Variants in ZNF469 observed in about 807,000 individuals in gnomAD.
The protein encoded by ZNF469 is zinc finger protein 469.
In ZNF469, 1 loss-of-function variant was observed where a neutral mutation model predicts 1.0. That is an observed-to-expected ratio of 1.00 (90% CI 0.35 to 4.73). The LOEUF is 4.73. Ranked by LOEUF, ZNF469 falls within the 30% of genes most tolerant of loss-of-function variation. The pLI, the probability that ZNF469 is intolerant of heterozygous loss-of-function variation, is 0.16. For missense variants in ZNF469, 6,100 were observed against 5,356.3 expected, an observed-to-expected ratio of 1.14 and a Z score of -4.33; for synonymous variants, 2,703 against 2,363.4, an observed-to-expected ratio of 1.14 and a Z score of -4.17.
the ZNF469 span, among the ~76,000 whole-genome samples, chr16:88,331,653 CCAT>C: frequency 2.9e-3 from 443 of 151,330 alleles, 1 homozygote; most frequent in African/African-American, 9.0e-3. Context: ...ATCATCACCA[CCAT>C]CATCATCTTC....
At chr16:88,293,418 T>C in the ZNF469 span, among the ~76,000 whole-genome samples, 1 of 152,036 alleles carries the variant, frequency 6.6e-6, no homozygotes, top group African/African-American at 2.4e-5. Context: ...GGTGGATGGA[T>C]GGATGGATGG....
the ZNF469 span, among the ~76,000 whole-genome samples, chr16:88,363,231 G>A: frequency 8.6e-4 from 131 of 152,302 alleles, no homozygotes; most frequent in African/African-American, 3.1e-3. Context: ...ACTTGAGAAA[G>A]TGTCACATTC....
chr16:88,338,797 C>T, the ZNF469 span, among the ~76,000 whole-genome samples: 2 of 152,114 alleles, frequency 1.3e-5, no homozygotes, highest in East Asian at 1.9e-4. Context: ...AGGCACAGGC[C>T]ACAGGCCAAG....
upstream of ZNF469, among the ~76,000 whole-genome samples, chr16:88,379,582 G>C (rs1454192579): frequency 1.3e-5 from 2 of 152,134 alleles, no homozygotes; most frequent in African/African-American, 2.4e-5. Context: ...GCTGATACCA[G>C]GATTCTCACC....
the ZNF469 span, among the ~76,000 whole-genome samples, chr16:88,180,803 G>A: frequency 6.8e-6 from 1 of 148,102 alleles, no homozygotes; most frequent in African/African-American, 2.5e-5. Context: ...ACAAATAAAA[G>A]TGCCATTCTG....
the ZNF469 span, among the ~76,000 whole-genome samples, chr16:88,338,406 A>G: frequency 2.0e-5 from 3 of 152,202 alleles, no homozygotes; most frequent in African/African-American, 7.2e-5. Context: ...CAGGCTGATC[A>G]TCACTGTGCC....
the ZNF469 span, among the ~76,000 whole-genome samples, chr16:88,156,914 T>A: frequency 6.6e-6 from 1 of 152,114 alleles, no homozygotes; most frequent in Non-Finnish European, 1.5e-5. Context: ...CTCTGTCTTT[T>A]CACAGAGATG....
At chr16:88,393,943 C>T (rs921264583) in intron 1 of ZNF469, among the ~76,000 whole-genome samples, 1 of 152,238 alleles carries the variant, frequency 6.6e-6, no homozygotes, top group Non-Finnish European at 1.5e-5. Context: ...CATGCTACAC[C>T]TCTGCTGTCC....
the ZNF469 span, among the ~76,000 whole-genome samples, chr16:88,242,413 C>T: frequency 3.9e-5 from 6 of 152,158 alleles, 1 homozygote; most frequent in South Asian, 2.1e-4. Context: ...TTGTCGAGGC[C>T]GCCTTCTCCT....
At chr16:88,156,041 A>G in the ZNF469 span, among the ~76,000 whole-genome samples, 1 of 152,180 alleles carries the variant, frequency 6.6e-6, no homozygotes, top group Non-Finnish European at 1.5e-5. Context: ...GCCATTGTGT[A>G]TCTGCTTTGG....
the ZNF469 span, among the ~76,000 whole-genome samples, chr16:88,146,265 G>A: frequency 6.6e-5 from 10 of 152,154 alleles, no homozygotes; most frequent in East Asian, 1.9e-4. Flanking sequence ...TGGCCGTGGC[G>A]GGGGGGCAGG....
At chr16:88,353,547 G>A in the ZNF469 span, among the ~76,000 whole-genome samples, 1 of 152,204 alleles carries the variant, frequency 6.6e-6, no homozygotes, top group Admixed American at 6.5e-5. Flanking sequence ...GCGGCTCACT[G>A]CTGCCTGCCC....
the ZNF469 span, among the ~76,000 whole-genome samples, chr16:88,215,764 A>G: frequency 6.6e-6 from 1 of 152,038 alleles, no homozygotes; most frequent in Non-Finnish European, 1.5e-5. Context: ...GTCTTTTAGT[A>G]GTTACCTTAG....
chr16:88,284,372 T>A, the ZNF469 span, among the ~76,000 whole-genome samples: 1 of 152,058 alleles, frequency 6.6e-6, no homozygotes, highest in African/African-American at 2.4e-5. Flanking sequence ...GACCGAGGGA[T>A]CCTGGGGCAT....
At chr16:88,426,407 G>A (rs1358839269) in intron 2 of ZNF469, among the ~76,000 whole-genome samples, 1 of 152,268 alleles carries the variant, frequency 6.6e-6, no homozygotes, top group Non-Finnish European at 1.5e-5. Context: ...TGCGCACCTC[G>A]TGGCCACAGC....
chr16:88,330,832 G>A, the ZNF469 span, among the ~76,000 whole-genome samples: 9 of 152,210 alleles, frequency 5.9e-5, no homozygotes, highest in African/African-American at 2.2e-4. Context: ...AGTCCTATGA[G>A]CCTCATCCAC....
At chr16:88,183,640 G>C in the ZNF469 span, among the ~76,000 whole-genome samples, 2 of 152,230 alleles carry the variant, frequency 1.3e-5, no homozygotes, top group South Asian at 4.1e-4. Flanking sequence ...TGACTGCAGA[G>C]GGGCAAAATG....
chr16:88,106,324 T>A, the ZNF469 span, among the ~76,000 whole-genome samples: 1 of 152,184 alleles, frequency 6.6e-6, no homozygotes, highest in Non-Finnish European at 1.5e-5. Context: ...AGCACAGGGA[T>A]TCCTGAAGGA....
the ZNF469 span, among the ~76,000 whole-genome samples, chr16:88,331,216 T>TCACTAC: frequency 1.5e-5 from 2 of 131,722 alleles, no homozygotes; most frequent in East Asian, 5.2e-4. Context: ...ATCACAACCG[T>TCACTAC]CACCACCACC....
Sources: allele counts gnomAD v4.1 joint callset (sites outside exome capture counted in the v4.1 genomes callset), GRCh38; gene constraint gnomAD v4.1.1; transcripts MANE v1.5; gene names NCBI Gene and HGNC (gene_info 2026-07-23, HGNC 2026-07-21).